LRRIQ1: variants seen among roughly 807,000 people sequenced by gnomAD.
LRRIQ1 encodes the protein leucine-rich repeat- and IQ domain-containing protein 1.
In LRRIQ1, 210 loss-of-function variants were observed where a neutral mutation model predicts 211.9. The observed-to-expected ratio is 0.99, with a 90% CI of 0.89 to 1.11. LRRIQ1 has a LOEUF of 1.11. Among genes scored for constraint, LRRIQ1 ranks in the 50% most tolerant of loss-of-function variants. The probability of loss-of-function intolerance (pLI) is 0.00; values close to 1 mark genes in which losing one functional copy is unlikely to be tolerated. For missense variants in LRRIQ1, 2,136 were observed against 1,939.5 expected (o/e 1.10, Z -1.90); for synonymous variants, 699 against 650.1 (o/e 1.08, Z -1.14).
In LRRIQ1 at chr12:85,124,147, G is replaced by A. The variant is rs200474306; in HGVS notation, c.3635G>A (p.Arg1212Gln). Residue 1212 changes from arginine (R) to glutamine (Q), a missense_variant, in exon 17 of 27, where the codon CGA becomes CAA. Coordinates refer to ENST00000393217, the MANE Select transcript of LRRIQ1 (RefSeq NM_001079910.2). ...TTGATGATACTTAGTACTGAATACC[G>A]ACATGCACACGAACGAGGGGATGTA... is the stretch of plus-strand genomic sequence containing the variant. ...KKLMILSTEY[R>Q]HAHERGDVTI... 2.9e-5 allele frequency: 46 copies of A among 1,613,946 alleles called. No individual in the cohort carries two copies. Among genetic ancestry groups the A allele is most frequent in the East Asian group, 4.5e-5 (2 of 44,876 alleles).
At chr12:85,203,536 A>T (rs192284479) in intron 24 of LRRIQ1, among the ~76,000 whole-genome samples, 2 of 152,276 alleles carry the variant, frequency 1.3e-5, no homozygotes, top group East Asian at 3.9e-4. Flanking sequence ...GGCTTTGCCC[A>T]AAATGCTGAT....
chr12:85,072,620 C>T (rs1254382376), intron 10 of LRRIQ1, among the ~76,000 whole-genome samples: 4 of 148,688 alleles, frequency 2.7e-5, no homozygotes, highest in African/African-American at 4.9e-5. Flanking sequence ...TTATCTTTTT[C>T]GTAAATTTTA....
intron 11 of LRRIQ1, among the ~76,000 whole-genome samples, chr12:85,086,635 A>G (rs2136200983): frequency 6.7e-6 from 1 of 150,360 alleles, no homozygotes; most frequent in Middle Eastern, 3.4e-3. Context: ...TTCTGGAGAG[A>G]TGCACCCTCC....
chr12:85,262,949 A>G (rs1164702564), exon 2 of LRRIQ1: 2 of 986,730 alleles, frequency 2.0e-6, no homozygotes, highest in Non-Finnish European at 2.4e-6. Context: ...TATCGCCAAT[A>G]ATAACAAATA....
chr12:85,135,732 TCA>T (rs1889084209), intron 18 of LRRIQ1, among the ~76,000 whole-genome samples: 1 of 79,272 alleles, frequency 1.3e-5, no homozygotes, highest in Admixed American at 1.5e-4. Flanking sequence ...CTCATCAAGT[TCA>T]ATTTTTGCCA....
intron 11 of LRRIQ1, among the ~76,000 whole-genome samples, chr12:85,093,714 C>A (rs1046161837): frequency 6.6e-6 from 1 of 152,154 alleles, no homozygotes. Flanking sequence ...GTGTTCAAGT[C>A]GGCAGATAAA....
chr12:85,198,032 ACATATAT>A, intron 24 of LRRIQ1, among the ~76,000 whole-genome samples: 1 of 72,654 alleles, frequency 1.4e-5, no homozygotes, highest in African/African-American at 1.2e-4. Context: ...ATTATATATA[ACATATAT>A]AATATATTAT....
chr12:85,225,219 G>A (rs1257407908), intron 24 of LRRIQ1, among the ~76,000 whole-genome samples: 1 of 151,976 alleles, frequency 6.6e-6, no homozygotes, highest in Non-Finnish European at 1.5e-5. Flanking sequence ...ATGATTTAAT[G>A]TACCTAGGAG....
chr12:85,234,320 G>C lies in LRRIQ1; in HGVS notation c.5016+1564G>C, dbSNP rs540725236. Among the ~76,000 whole-genome samples the C allele has an allele frequency of 2.0e-5, 3 of 152,142 alleles. No homozygotes were observed. In the South Asian group the frequency reaches 6.2e-4, roughly 32 times the overall value. The stretch of plus-strand genomic sequence containing the variant: ...ATTGGATAGATTACTGATCATAATA[G>C]GTTTATGAGATTAATGCAAGGATAT... On this transcript the variant is annotated intron_variant, in intron 26 of 26. Coordinates refer to ENST00000393217, the MANE Select transcript of LRRIQ1 (RefSeq NM_001079910.2).
chr12:85,128,063 A>G lies in LRRIQ1; in HGVS notation c.4209+30A>G, dbSNP rs778083061. On this transcript the variant is annotated intron_variant, in intron 18 of 26. Coordinates refer to ENST00000393217, the MANE Select transcript of LRRIQ1 (RefSeq NM_001079910.2). Reference sequence around the variant, plus strand: ...ATTTCAATCTTTTGGTAACATAGTTACAAAAGATATATTAGTTGTCTTTCA... The same window carrying G: ...ATTTCAATCTTTTGGTAACATAGTTGCAAAAGATATATTAGTTGTCTTTCA... 1.0e-5 allele frequency: 15 copies of G among 1,439,250 alleles called. 1 individual carries two copies. In the Admixed American group the frequency reaches 1.7e-4, roughly 16 times the overall value. The allele number at this position is 1,439,250 out of a possible 1,614,324, so 89.2% of individuals were successfully genotyped here.
intron 24 of LRRIQ1, among the ~76,000 whole-genome samples, chr12:85,214,720 A>G (rs1447572155): frequency 6.6e-6 from 1 of 152,118 alleles, no homozygotes. Flanking sequence ...CTTAAAAAAG[A>G]CCTGTGTGTA....
chr12:85,072,815 C>A, intron 10 of LRRIQ1, 92 bp from the exon 11 acceptor site: 1 of 742,480 alleles, frequency 1.3e-6, no homozygotes, highest in Non-Finnish European at 2.0e-6. Context: ...TTTTTTGCTC[C>A]AGGTTTAAAT....
At chr12:85,050,605 A>C (rs928756534) in intron 6 of LRRIQ1, among the ~76,000 whole-genome samples, 1 of 152,160 alleles carries the variant, frequency 6.6e-6, no homozygotes. Context: ...TTATTGTATT[A>C]TCCATCTTCG....
At position 85,217,536 on chromosome 12, in the gene LRRIQ1, GTGTGTGTGTGTGTGTA is replaced by G. The variant is rs1385238228; in HGVS notation, c.4823-11979_4823-11964del. Among the ~76,000 whole-genome samples, 52 of 115,944 alleles carry G rather than the reference GTGTGTGTGTGTGTGTA, an allele frequency of 4.5e-4. 2 individuals carry two copies. The highest frequency in any genetic ancestry group is 2.2e-3 in the African/African-American group (48 of 22,274). The allele number at this position is 115,944 out of a possible 152,430, so 76.1% of individuals were successfully genotyped here. A position where few individuals can be genotyped will look rare whatever the true frequency, so the allele number is the denominator to read the frequency against. On this transcript the variant is annotated intron_variant, in intron 24 of 26. Transcript: ENST00000393217. ...TGTGTGTGTGTGTGTGTGTGTGTGT[GTGTGTGTGTGTGTGTA>G]TATAGGTATATATATGTGTGTATAC...
rs1429719551 is a variant in LRRIQ1, at chr12:85,040,590, C to G, written c.233C>G (p.Thr78Ser). 2 of 1,575,610 alleles carry G rather than the reference C, an allele frequency of 1.3e-6. No individual in the cohort carries two copies. Among genetic ancestry groups the G allele is most frequent in the Non-Finnish European group, 1.7e-6 (2 of 1,151,506 alleles). Residue 78 changes from threonine (T) to serine (S), a missense_variant, in exon 3 of 27, where the codon ACT becomes AGT. Physicochemically the swap from Thr to Ser is moderately conservative, Grantham distance 58. Coordinates refer to ENST00000393217, the MANE Select transcript of LRRIQ1 (RefSeq NM_001079910.2). ...CTCATTCTTCAGGACCTGGAAGATA[C>G]TGATATTTTAAGTAAGTACTATTTT... ...EELILQDLEDTDILSCSYGAV... is the reference protein window; with the variant it reads ...EELILQDLEDSDILSCSYGAV...
chr12:85,208,008 C>G (rs1893646339), intron 24 of LRRIQ1, among the ~76,000 whole-genome samples: 1 of 138,570 alleles, frequency 7.2e-6, no homozygotes, highest in Non-Finnish European at 1.5e-5. Flanking sequence ...TAACTTTCCT[C>G]TCATGTTCCT....
intron 24 of LRRIQ1, among the ~76,000 whole-genome samples, chr12:85,183,859 G>C: frequency 6.6e-6 from 1 of 151,978 alleles, no homozygotes; most frequent in East Asian, 1.9e-4. Flanking sequence ...TTTGTTTACT[G>C]TTATACTCTT....
At chr12:85,217,934 A>C (rs1289031170) in intron 24 of LRRIQ1, among the ~76,000 whole-genome samples, 1 of 151,604 alleles carries the variant, frequency 6.6e-6, no homozygotes, top group Non-Finnish European at 1.5e-5. Context: ...TGGATGACTT[A>C]CTATATTAAC....
intron 15 of LRRIQ1, among the ~76,000 whole-genome samples, chr12:85,111,968 ACTCTCT>A (rs67500865): frequency 3.3e-5 from 5 of 149,574 alleles, no homozygotes; most frequent in Admixed American, 6.7e-5. Flanking sequence ...ACACACACAC[ACTCTCT>A]CTCTCAATTC....
Sources: allele counts gnomAD v4.1 joint callset (sites outside exome capture counted in the v4.1 genomes callset), GRCh38; gene constraint gnomAD v4.1.1; transcripts MANE v1.5; gene names NCBI Gene and HGNC (gene_info 2026-07-23, HGNC 2026-07-21).